LPCAT3: variants seen among roughly 807,000 people sequenced by gnomAD.
The protein encoded by LPCAT3 is lysophosphatidylcholine acyltransferase 3, also known as lysophospholipid acyltransferase 5.
In LPCAT3, 21 loss-of-function variants were observed where a neutral mutation model predicts 63.4. The ratio of observed to expected loss-of-function variants is 0.33; its 90% confidence interval spans 0.23 to 0.48. LPCAT3 has a LOEUF of 0.48. Among genes scored for constraint, LPCAT3 ranks in the 20% least tolerant of loss-of-function variants. The pLI, the probability that LPCAT3 is intolerant of heterozygous loss-of-function variation, is 0.99. For synonymous variants in LPCAT3, 242 were observed against 227.5 expected, an observed-to-expected ratio of 1.06 and a Z score of -0.58; for missense variants, 451 against 590.6, an observed-to-expected ratio of 0.76 and a Z score of 2.45.
At chr12:6,996,578 A>G (rs1946637561) in intron 1 of LPCAT3, among the ~76,000 whole-genome samples, 1 of 152,240 alleles carries the variant, frequency 6.6e-6, no homozygotes, top group Admixed American at 6.5e-5. Flanking sequence ...TATTAGCTGA[A>G]TGGCCGAACA....
intron 1 of LPCAT3, among the ~76,000 whole-genome samples, chr12:6,993,594 T>C (rs1340445928): frequency 6.6e-6 from 1 of 152,190 alleles, no homozygotes; most frequent in Non-Finnish European, 1.5e-5. Flanking sequence ...TATGTCTCTA[T>C]AGATTGGCCT....
At position 6,978,436 on chromosome 12, in the gene LPCAT3, G is replaced by T; in HGVS notation, c.945C>A (p.Ala315=). The T allele has an allele frequency of 1.2e-6, 2 of 1,614,174 alleles. No homozygotes were observed. Among genetic ancestry groups the T allele is most frequent in the Non-Finnish European group, 1.7e-6 (2 of 1,180,030 alleles). ...AGAGCCACACCTTCATGTTGGCACA[G>T]GCATCCCACTTTGCCTTGCCCTTTT... is the stretch of plus-strand genomic sequence containing the variant. ...FEEKGKAKWD[A]CANMKVWLFE... Residue 315 remains alanine (A), a synonymous_variant, in exon 9 of 13, where the codon GCC becomes GCA. Coordinates refer to ENST00000261407, the MANE Select transcript of LPCAT3 (RefSeq NM_005768.6).
chr12:7,012,383 C>G (rs1946768872), intron 1 of LPCAT3, among the ~76,000 whole-genome samples: 1 of 151,726 alleles, frequency 6.6e-6, no homozygotes, highest in Admixed American at 6.6e-5. Flanking sequence ...CTCAGTGTGA[C>G]TTACTCAATC....
chr12:7,001,506 C>T (rs1001256393), intron 1 of LPCAT3: 22 of 455,948 alleles, frequency 4.8e-5, no homozygotes, highest in African/African-American at 4.0e-4. Flanking sequence ...GGCAGAGTCC[C>T]CAGATTAGTT....
chr12:7,001,221 C>T (rs1946684671), intron 1 of LPCAT3, among the ~76,000 whole-genome samples: 1 of 151,610 alleles, frequency 6.6e-6, no homozygotes, highest in South Asian at 2.1e-4. Flanking sequence ...TTCAGTTTCA[C>T]TCCCCTTCCA....
intron 1 of LPCAT3, among the ~76,000 whole-genome samples, chr12:6,998,065 G>C (rs1946653509): frequency 6.6e-6 from 1 of 152,156 alleles, no homozygotes; most frequent in Non-Finnish European, 1.5e-5. Flanking sequence ...GCAAAGGCTG[G>C]AGTGCAATGG....
At chr12:7,006,916 C>T (rs1246437694) in intron 1 of LPCAT3, among the ~76,000 whole-genome samples, 2 of 152,228 alleles carry the variant, frequency 1.3e-5, no homozygotes, top group Non-Finnish European at 2.9e-5. Context: ...CCATTTACCA[C>T]ATCTACATGG....
Position 6,977,858 on chromosome 12 carries a change from G to T in LPCAT3, c.1041-113C>A. 1 of 1,273,564 alleles carries T rather than the reference G, an allele frequency of 7.9e-7. No individual in the cohort carries two copies. Among genetic ancestry groups the T allele is most frequent in the Non-Finnish European group, 1.1e-6 (1 of 891,034 alleles). 78.9% of individuals were successfully genotyped at this position (1,273,564 alleles called of 1,614,324 possible). A position where few individuals can be genotyped will look rare whatever the true frequency, so the allele number is the denominator to read the frequency against. ...GATTGGAGTGCTGGTGGGTTCCCAC[G>T]TGTAGCCCCCAGAGGGTACAGGAGG... On this transcript the variant is annotated intron_variant, in intron 9 of 12. Transcript: ENST00000261407. This position sits in a 1 kb window ranked among gnomAD's most constrained non-coding sequence, Gnocchi z 4.5.
chr12:7,007,487 CA>C (rs1404386195), intron 1 of LPCAT3, among the ~76,000 whole-genome samples: 151 of 144,438 alleles, frequency 1.0e-3, no homozygotes, highest in African/African-American at 3.7e-3. Flanking sequence ...CTTTAATTGA[CA>C]AAAGCTTTTT....
chr12:6,978,319 A>G, intron 9 of LPCAT3, 22 bp downstream of exon 9: 1 of 1,593,106 alleles, frequency 6.3e-7, no homozygotes, highest in African/African-American at 1.3e-5. Context: ...ACCAGGGTCC[A>G]GGCTCCCCAC....
rs1555153499 is a variant in LPCAT3, at chr12:6,977,751, G to GA, written c.1041-7dup. The GA allele has an allele frequency of 1.9e-6, 3 of 1,614,008 alleles. No homozygotes were observed. The highest frequency in any genetic ancestry group is 1.6e-4 in the Middle Eastern group (1 of 6,062). On this transcript the variant is annotated splice_polypyrimidine_tract_variant and splice_region_variant and intron_variant, in intron 9 of 12. Coordinates refer to ENST00000261407, the MANE Select transcript of LPCAT3 (RefSeq NM_005768.6). The surrounding 1 kb of genome is among the most constrained non-coding windows in gnomAD (Gnocchi z 4.5). ...TGAGTCGTTTGAAGATGTAGCTGGA[G>GA]AAAAGGGTGGGTGGGGCGACCCTCA...
chr12:7,014,096 C>T (rs1946782491), intron 1 of LPCAT3, among the ~76,000 whole-genome samples: 2 of 152,230 alleles, frequency 1.3e-5, no homozygotes, highest in South Asian at 4.1e-4. Context: ...TGAAACCTTA[C>T]TCATCTTTAA....
chr12:6,983,761 G>C (rs1304505539), intron 1 of LPCAT3, among the ~76,000 whole-genome samples: 2 of 152,098 alleles, frequency 1.3e-5, no homozygotes, highest in African/African-American at 2.4e-5. Flanking sequence ...ATTTGATTGA[G>C]GCAATATAAA....
At chr12:6,991,257 G>A (rs1946588255) in intron 1 of LPCAT3, among the ~76,000 whole-genome samples, 1 of 152,136 alleles carries the variant, frequency 6.6e-6, no homozygotes, top group African/African-American at 2.4e-5. Context: ...GAAAGTATCT[G>A]CATTTTCAGA....
intron 1 of LPCAT3, among the ~76,000 whole-genome samples, chr12:6,985,042 T>C (rs1359806860): frequency 5.4e-5 from 8 of 148,784 alleles, no homozygotes; most frequent in African/African-American, 1.7e-4. Context: ...CACACAATCA[T>C]GTTATATGTT....
In LPCAT3 at chr12:6,976,871, C is replaced by T. The variant is rs1423896757; in HGVS notation, c.*33G>A. ...TGAAAAGGGAGACGAGTAGTTTCTGCACCAGTCCCGCACAGGCCACCTGCA... is the reference window on the plus strand; with the variant it reads ...TGAAAAGGGAGACGAGTAGTTTCTGTACCAGTCCCGCACAGGCCACCTGCA... On this transcript the variant is annotated 3_prime_UTR_variant, in exon 13 of 13. Transcript: ENST00000261407. 8.5e-6 allele frequency: 3 copies of T among 353,460 alleles called. No homozygotes were observed. Among genetic ancestry groups the T allele is most frequent in the Non-Finnish European group, 1.6e-5 (3 of 188,300 alleles). 21.9% of individuals were successfully genotyped at this position (353,460 alleles called of 1,614,324 possible).
chr12:6,982,999 T>TA (rs1437306957), intron 2 of LPCAT3: 1 of 619,520 alleles, frequency 1.6e-6, no homozygotes, highest in African/African-American at 1.8e-5. Context: ...TTTGTTTTTT[T>TA]AGAGATGCGA....
intron 2 of LPCAT3, 124 bp from the exon 3 acceptor site, chr12:6,982,906 C>T (rs1946485480): frequency 1.5e-6 from 1 of 678,524 alleles, no homozygotes; most frequent in Non-Finnish European, 2.7e-6. Context: ...AGAATAACCT[C>T]ATGTTTTGGA....
At chr12:7,009,123 G>A (rs1555157056) in intron 1 of LPCAT3, among the ~76,000 whole-genome samples, 1 of 152,102 alleles carries the variant, frequency 6.6e-6, no homozygotes, top group East Asian at 1.9e-4. Context: ...GTGCCATGGT[G>A]CAATCTCGGC....
Sources: gnomAD v4.1 joint callset for allele counts (sites outside exome capture counted in the v4.1 genomes callset) on GRCh38, gnomAD v4.1.1 for gene constraint, Gnocchi (gnomAD v3.1) non-coding constraint, MANE v1.5 for transcripts, NCBI Gene and HGNC (gene_info 2026-07-23, HGNC 2026-07-21) for gene names.